PCDHGC3: variants seen among roughly 807,000 people sequenced by gnomAD.
The protein encoded by PCDHGC3 is protocadherin gamma-C3.
PCDHGC3 carries 26 observed loss-of-function variants against 59.2 expected under a neutral mutation model. The ratio of observed to expected loss-of-function variants is 0.44; its 90% CI spans 0.32 to 0.61. PCDHGC3 has a LOEUF of 0.61. Among genes scored for constraint, PCDHGC3 ranks in the 20% least tolerant of loss-of-function variants. The pLI, the probability that PCDHGC3 is intolerant of heterozygous loss-of-function variation, is 0.05. For missense variants in PCDHGC3, 1,080 were observed against 1,221.8 expected, an observed-to-expected ratio of 0.88 and a Z score of 1.73; for synonymous variants, 487 against 519.7, an observed-to-expected ratio of 0.94 and a Z score of 0.86.
chr5:141,489,126 T>A lies in PCDHGC3; in HGVS notation c.2431-5681T>A. ...TGCAAGCAGGCAAACCTCCGAGCAGTTTTTAAGAGGCTGGAAGGAGACATA... is the reference window on the plus strand; with the variant it reads ...TGCAAGCAGGCAAACCTCCGAGCAGATTTTAAGAGGCTGGAAGGAGACATA... On this transcript the variant is annotated intron_variant, in intron 1 of 3. Transcript: ENST00000308177. This position sits in a 1 kb window ranked among gnomAD's most constrained non-coding sequence, Gnocchi z 4.5. 1.7e-6 allele frequency: 1 copy of A among 585,136 alleles called. No individual in the cohort carries two copies. Among genetic ancestry groups the A allele is most frequent in the Non-Finnish European group, 2.7e-6 (1 of 375,012 alleles). The allele number at this position is 585,136 out of a possible 1,614,324, so 36.2% of individuals were successfully genotyped here.
chr5:141,491,598 C>T lies in PCDHGC3; in HGVS notation c.2431-3209C>T, dbSNP rs1410472886. On this transcript the variant is annotated intron_variant, in intron 1 of 3. Transcript: ENST00000308177. This position sits in a 1 kb window ranked among gnomAD's most constrained non-coding sequence, Gnocchi z 6.9. ...TTTCACCGGCCTCGGACGGCAGTGA[C>T]TTCACTTTTCTAAGACCCCTCAGCG... 1.4e-5 allele frequency: 22 copies of T among 1,613,872 alleles called. No homozygotes were observed. The highest frequency in any genetic ancestry group is 1.8e-5 in the Non-Finnish European group (21 of 1,180,048).
chr5:141,494,546 G>T (rs984336435), intron 1 of PCDHGC3, among the ~76,000 whole-genome samples: 1 of 152,152 alleles, frequency 6.6e-6, no homozygotes, highest in African/African-American at 2.4e-5. Context: ...GGAGGAAGGG[G>T]CCATTTCTTT....
chr5:141,492,320 G>A (rs1001784912), intron 1 of PCDHGC3, among the ~76,000 whole-genome samples: 1 of 152,206 alleles, frequency 6.6e-6, no homozygotes. Flanking sequence ...CTCCTCGCAC[G>A]TGGGCTTACG....
At position 141,494,880 on chromosome 5, in the gene PCDHGC3, C is replaced by G. The variant is rs950094823; in HGVS notation, c.2489+15C>G. On this transcript the variant is annotated intron_variant, in intron 2 of 3. Transcript: ENST00000308177. ...GGCACCAGCGGGTAGGTGACTGATT[C>G]TCCAGCCCACCCTCTTCTCTGCGGC... The G allele has an allele frequency of 3.7e-6, 6 of 1,614,040 alleles. No individual in the cohort carries two copies. The African/African-American group carries it at 6.7e-5, about 18-fold the overall frequency.
chr5:141,492,962 C>T (rs1197532146), intron 1 of PCDHGC3, among the ~76,000 whole-genome samples: 2 of 152,258 alleles, frequency 1.3e-5, no homozygotes, highest in Non-Finnish European at 2.9e-5. Context: ...CTATCTGACA[C>T]TCTAACAAGT....
intron 1 of PCDHGC3, among the ~76,000 whole-genome samples, chr5:141,479,060 T>G (rs980468382): frequency 5.9e-5 from 9 of 152,248 alleles, no homozygotes; most frequent in Non-Finnish European, 1.3e-4. Context: ...CAGATAATTT[T>G]TTATGAATGA....
chr5:141,476,317 G>C lies in PCDHGC3; in HGVS notation c.201G>C (p.Arg67=), dbSNP rs759809060. The C allele has an allele frequency of 1.2e-6, 2 of 1,614,052 alleles. No homozygotes were observed. The highest frequency in any genetic ancestry group is 2.7e-5 in the African/African-American group (2 of 74,922). ...DLGSLSARRF[R]VVSGASRRFF... ...GTAGCCTCTCAGCCCGCAGGTTCCGGGTGGTGTCTGGAGCTAGCCGAAGAT... is the reference window on the plus strand; with the variant it reads ...GTAGCCTCTCAGCCCGCAGGTTCCGCGTGGTGTCTGGAGCTAGCCGAAGAT... The change falls in exon 1 of 4, where the codon CGG becomes CGC. Residue 67 remains arginine, a synonymous_variant. Coordinates refer to ENST00000308177, the MANE Select transcript of PCDHGC3 (RefSeq NM_002588.4). The surrounding 1 kb of genome is among the most constrained non-coding windows in gnomAD (Gnocchi z 7.6).
chr5:141,481,913 C>CAAAAAAAAAAAAA (rs34114744), intron 1 of PCDHGC3, among the ~76,000 whole-genome samples: 1 of 90,852 alleles, frequency 1.1e-5, no homozygotes. Flanking sequence ...AACTCCATCT[C>CAAAAAAAAAAAAA]AAAAAAAAAA....
rs762687404 is a variant in PCDHGC3 at position 141,486,468 on chromosome 5, A to G, written c.2430+7922A>G. Reference sequence around the variant, plus strand: ...ATGGTCACTGCTTCTGATGCTGGGAACCCTCCTCTCAGTACCCACAGAACT... The same window carrying G: ...ATGGTCACTGCTTCTGATGCTGGGAGCCCTCCTCTCAGTACCCACAGAACT... On this transcript the variant is annotated intron_variant, in intron 1 of 3. Transcript: ENST00000308177. This position sits in a 1 kb window ranked among gnomAD's most constrained non-coding sequence, Gnocchi z 5.0. The G allele has an allele frequency of 1.2e-6, 2 of 1,612,906 alleles. No individual in the cohort carries two copies. Among genetic ancestry groups the G allele is most frequent in the Middle Eastern group, 1.6e-4 (1 of 6,062 alleles).
intron 2 of PCDHGC3, among the ~76,000 whole-genome samples, chr5:141,499,022 A>C (rs1244590420): frequency 2.7e-5 from 4 of 150,722 alleles, no homozygotes; most frequent in Admixed American, 2.0e-4. Context: ...GGAAGGAAGG[A>C]AGGAAGAAAA....
At chr5:141,500,453 C>G (rs1403599390) in intron 2 of PCDHGC3, among the ~76,000 whole-genome samples, 1 of 152,246 alleles carries the variant, frequency 6.6e-6, no homozygotes, top group African/African-American at 2.4e-5. Flanking sequence ...TCGTGATCCG[C>G]CCGCCTCGGC....
intron 1 of PCDHGC3, among the ~76,000 whole-genome samples, chr5:141,482,048 G>A (rs375214441): frequency 1.3e-5 from 2 of 150,044 alleles, no homozygotes; most frequent in Non-Finnish European, 2.9e-5. Flanking sequence ...TCATGCTGTT[G>A]CATTCCAGCC....
rs1485764871 is a variant in PCDHGC3, at chr5:141,486,709, C to A, written c.2431-8098C>A. On this transcript the variant is annotated intron_variant, in intron 1 of 3. Coordinates refer to ENST00000308177, the MANE Select transcript of PCDHGC3 (RefSeq NM_002588.4). The surrounding 1 kb of genome is among the most constrained non-coding windows in gnomAD (Gnocchi z 5.0). ...CTTCCTCTTTCATCTCTCTGAACCC[C>A]CAGACAGGAGCTGTTCATGCTACTC... 6.2e-7 allele frequency: 1 copy of A among 1,614,182 alleles called. No homozygotes were observed. Among genetic ancestry groups the A allele is most frequent in the Admixed American group, 1.7e-5 (1 of 60,022 alleles).
In PCDHGC3 at chr5:141,476,584, C is replaced by G. The variant is rs140544807; in HGVS notation, c.468C>G (p.Leu156=). ...TGGCTCCGGGGACGCGCTTTCCGCTCGAGAGCGCGCACGATCCCGATGTGG... is the reference window on the plus strand; with the variant it reads ...TGGCTCCGGGGACGCGCTTTCCGCTGGAGAGCGCGCACGATCCCGATGTGG... ...EAVAPGTRFP[L]ESAHDPDVGS... is the part of the protein sequence containing the mutation. The change falls in exon 1 of 4, where the codon CTC becomes CTG. Residue 156 remains leucine (L), a synonymous_variant. Coordinates refer to ENST00000308177, the MANE Select transcript of PCDHGC3 (RefSeq NM_002588.4). This position sits in a 1 kb window ranked among gnomAD's most constrained non-coding sequence, Gnocchi z 7.6. 1.2e-5 allele frequency: 19 copies of G among 1,614,100 alleles called. No homozygotes were observed. The African/African-American group carries it at 2.3e-4, about 19-fold the overall frequency.
chr5:141,487,123 T>C lies in PCDHGC3; in HGVS notation c.2431-7684T>C. 6.2e-7 allele frequency: 1 copy of C among 1,614,086 alleles called. No homozygotes were observed. The highest frequency in any genetic ancestry group is 1.1e-5 in the South Asian group (1 of 91,082). On this transcript the variant is annotated intron_variant, in intron 1 of 3. Coordinates refer to ENST00000308177, the MANE Select transcript of PCDHGC3 (RefSeq NM_002588.4). The surrounding 1 kb of genome is among the most constrained non-coding windows in gnomAD (Gnocchi z 5.0). ...AGCTGGTCATTGTGGTAAAGGATAG[T>C]GGTAGTCCACCACTCTCTACCTCTG...
In PCDHGC3 at chr5:141,489,412, G is replaced by C; in HGVS notation, c.2431-5395G>C. On this transcript the variant is annotated intron_variant, in intron 1 of 3. Coordinates refer to ENST00000308177, the MANE Select transcript of PCDHGC3 (RefSeq NM_002588.4). The surrounding 1 kb of genome is among the most constrained non-coding windows in gnomAD (Gnocchi z 4.5). ...TCAGGATCTGGGCTTAAAGATGACAGATCTGTTGAGCCGGCGGCTGCAATT... is the reference window on the plus strand; with the variant it reads ...TCAGGATCTGGGCTTAAAGATGACACATCTGTTGAGCCGGCGGCTGCAATT... The C allele has an allele frequency of 6.2e-7, 1 of 1,614,172 alleles. No individual in the cohort carries two copies. Among genetic ancestry groups the C allele is most frequent in the Non-Finnish European group, 8.5e-7 (1 of 1,180,040 alleles).
rs1377364370 is a variant in PCDHGC3, at chr5:141,477,489, C to T, written c.1373C>T (p.Ser458Phe). 1 of 1,614,048 alleles carries T rather than the reference C, an allele frequency of 6.2e-7. No homozygotes were observed. Among genetic ancestry groups the T allele is most frequent in the Non-Finnish European group, 8.5e-7 (1 of 1,180,044 alleles). Residue 458 changes from serine (S) to phenylalanine (F), a missense_variant, in exon 1 of 4, where the codon TCT (serine) becomes TTT (phenylalanine). Physicochemically the swap from Ser to Phe is radical, Grantham distance 155 (BLOSUM62 -2). Coordinates refer to ENST00000308177, the MANE Select transcript of PCDHGC3 (RefSeq NM_002588.4). This position sits in a 1 kb window ranked among gnomAD's most constrained non-coding sequence, Gnocchi z 4.9. Reference protein sequence around the residue: ...SDINDNPPQSSQSSYDVYIEE... With the variant: ...SDINDNPPQSFQSSYDVYIEE... ...ATCAATGACAACCCTCCACAATCTT[C>T]TCAATCTTCCTACGACGTTTACATT...
chr5:141,498,625 T>C (rs1327552423), intron 2 of PCDHGC3, among the ~76,000 whole-genome samples: 1 of 152,176 alleles, frequency 6.6e-6, no homozygotes, highest in Non-Finnish European at 1.5e-5. Context: ...TGGGTCACAC[T>C]GCCTAGACAG....
Position 141,490,503 on chromosome 5 carries a change from C to A in PCDHGC3, c.2431-4304C>A, listed in dbSNP as rs2099701103. On this transcript the variant is annotated intron_variant, in intron 1 of 3. Coordinates refer to ENST00000308177, the MANE Select transcript of PCDHGC3 (RefSeq NM_002588.4). The surrounding 1 kb of genome is among the most constrained non-coding windows in gnomAD (Gnocchi z 5.4). ...ACCGGGAGGCCACATCCCACTATAT[C>A]ATCGAGCTGCTGGCCAGCGATGCTG... 3.7e-6 allele frequency: 6 copies of A among 1,614,206 alleles called. No individual in the cohort carries two copies. In the African/African-American group the frequency reaches 8.0e-5, roughly 22 times the overall value.
Sources: gnomAD v4.1 joint callset for allele counts (sites outside exome capture counted in the v4.1 genomes callset) on GRCh38, gnomAD v4.1.1 for gene constraint, Gnocchi (gnomAD v3.1) non-coding constraint, MANE v1.5 for transcripts, NCBI Gene and HGNC (gene_info 2026-07-23, HGNC 2026-07-21) for gene names.